SPATA13: variants seen among roughly 807,000 people sequenced by gnomAD.
SPATA13 encodes spermatogenesis associated 13, also known as spermatogenesis-associated protein 13.
A neutral mutation model predicts 104.0 loss-of-function variants in SPATA13; 50 were observed. That is an observed-to-expected ratio of 0.48 (90% confidence interval 0.38 to 0.61). The LOEUF (loss-of-function observed/expected upper bound fraction) is 0.61, where lower values mean the gene tolerates loss of function less well. SPATA13 is among the 20% of genes least tolerant of loss of function. The pLI is 0.00. For synonymous variants in SPATA13, 606 were observed against 667.5 expected (o/e 0.91, Z 1.42); for missense variants, 1,524 against 1,690.6 (o/e 0.90, Z 1.73).
In SPATA13 at chr13:24,249,707, T is replaced by C. The variant is rs1249550732; in HGVS notation, c.1884T>C (p.Ser628=). Residue 628 remains serine (S), a synonymous_variant, in exon 3 of 13, where the codon TCT becomes TCC. Transcript: ENST00000382108. ...AGGACCCCCAGGCAAGCATGACTTC[T>C]GCCAGCCCTGAAGACCAGAATGCTC... ...VDEDPQASMT[S]ASPEDQNAPV... 2 of 1,613,608 alleles carry C rather than the reference T, an allele frequency of 1.2e-6. No individual in the cohort carries two copies. Among genetic ancestry groups the C allele is most frequent in the Non-Finnish European group, 8.5e-7 (1 of 1,179,818 alleles).
intron 3 of SPATA13, among the ~76,000 whole-genome samples, chr13:24,143,825 G>C (rs1881842342): frequency 6.6e-6 from 1 of 152,202 alleles, no homozygotes; most frequent in South Asian, 2.1e-4. Context: ...CTAGGAGAAA[G>C]GACTTACTTG....
At chr13:24,113,818 C>T (rs865842660) in intron 3 of SPATA13, among the ~76,000 whole-genome samples, 100 of 138,610 alleles carry the variant, frequency 7.2e-4, no homozygotes, top group African/African-American at 2.7e-3. Context: ...TACAGTGAGC[C>T]GAGATTGCAC....
chr13:24,093,344 T>C (rs1392823584), intron 3 of SPATA13, among the ~76,000 whole-genome samples: 1 of 152,246 alleles, frequency 6.6e-6, no homozygotes, highest in Admixed American at 6.5e-5. Flanking sequence ...AGTATCCCAC[T>C]GTTCTGTGCC....
At chr13:24,103,969 C>T (rs1181005129) in intron 3 of SPATA13, among the ~76,000 whole-genome samples, 1 of 152,192 alleles carries the variant, frequency 6.6e-6, no homozygotes, top group Non-Finnish European at 1.5e-5. Context: ...AGGAGTGACT[C>T]TAAGTAGGGC....
At chr13:24,186,521 A>G (rs1869161863) in intron 1 of SPATA13, among the ~76,000 whole-genome samples, 1 of 152,224 alleles carries the variant, frequency 6.6e-6, no homozygotes, top group Admixed American at 6.5e-5. Flanking sequence ...TAGGACATCA[A>G]CAATGTTCTA....
chr13:24,071,887 A>G (rs1879174418), intron 3 of SPATA13, among the ~76,000 whole-genome samples: 1 of 152,220 alleles, frequency 6.6e-6, no homozygotes, highest in Admixed American at 6.5e-5. Flanking sequence ...TGTGCACTTT[A>G]AAACAGCTGA....
chr13:24,306,587 G>A lies in SPATA13; in HGVS notation c.*3814G>A, dbSNP rs1343747308. ...ATTGTTTTCAGGATGCAATGAAAGTGGATTTCAAAAGGCTTTGGAAAAATA... is the reference window on the plus strand; with the variant it reads ...ATTGTTTTCAGGATGCAATGAAAGTAGATTTCAAAAGGCTTTGGAAAAATA... On this transcript the variant is annotated 3_prime_UTR_variant, in exon 13 of 13. Transcript: ENST00000382108. 2 of 151,970 alleles carry A rather than the reference G, an allele frequency of 1.3e-5. No homozygotes were observed. The highest frequency in any genetic ancestry group is 4.8e-5 in the African/African-American group (2 of 41,340). 9.4% of individuals were successfully genotyped at this position (151,970 alleles called of 1,614,324 possible). A position where few individuals can be genotyped will look rare whatever the true frequency, so the allele number is the denominator to read the frequency against.
At chr13:24,089,659 C>A (rs770128173) in intron 3 of SPATA13, among the ~76,000 whole-genome samples, 1 of 152,140 alleles carries the variant, frequency 6.6e-6, no homozygotes, top group African/African-American at 2.4e-5. Context: ...GCAGTCCATG[C>A]GATATTTGAA....
At chr13:24,089,735 C>G (rs1879853639) in intron 3 of SPATA13, among the ~76,000 whole-genome samples, 1 of 152,190 alleles carries the variant, frequency 6.6e-6, no homozygotes, top group Admixed American at 6.5e-5. Flanking sequence ...GTGCTTTACC[C>G]ATTTCTGCTG....
chr13:24,152,887 T>G (rs9507262), intron 3 of SPATA13, among the ~76,000 whole-genome samples: 27,930 of 152,200 alleles, frequency 0.18, 2,687 homozygotes, highest in South Asian at 0.27. Flanking sequence ...AGAACTCAAA[T>G]GATGATTATT....
intron 2 of SPATA13, among the ~76,000 whole-genome samples, chr13:24,248,169 G>A (rs1465887593): frequency 2.0e-5 from 3 of 152,240 alleles, no homozygotes; most frequent in African/African-American, 7.2e-5. Flanking sequence ...CAGGCTTTGA[G>A]GGGTCTGCTC....
At chr13:24,280,405 T>C (rs1349284368) in intron 4 of SPATA13, among the ~76,000 whole-genome samples, 1 of 152,154 alleles carries the variant, frequency 6.6e-6, no homozygotes, top group Admixed American at 6.5e-5. Context: ...TGGAAAACAC[T>C]GTTCAGTTCT....
At chr13:24,148,640 CTTGG>C (rs1465744419) in intron 3 of SPATA13, among the ~76,000 whole-genome samples, 1 of 152,276 alleles carries the variant, frequency 6.6e-6, no homozygotes, top group South Asian at 2.1e-4. Flanking sequence ...AGAGGGAGAA[CTTGG>C]TTGAAGAGTT....
Position 24,222,862 on chromosome 13 carries a change from G to A in SPATA13, c.-68G>A. 6.5e-7 allele frequency: 1 copy of A among 1,541,964 alleles called. No individual in the cohort carries two copies. The highest frequency in any genetic ancestry group is 1.2e-5 in the South Asian group (1 of 82,772). ...CCCGATGTGCAAGGCAGGTGTGAGT[G>A]CCAGGACGGCATTCCTGGAGATGAA... On this transcript the variant is annotated 5_prime_UTR_variant, in exon 2 of 13. Coordinates refer to ENST00000382108, the MANE Select transcript of SPATA13 (RefSeq NM_001166271.3).
In SPATA13 at chr13:24,286,507, G is replaced by A; in HGVS notation, c.2481+114G>A. 1 of 1,154,932 alleles carries A rather than the reference G, an allele frequency of 8.7e-7. No individual in the cohort carries two copies. The highest frequency in any genetic ancestry group is 2.8e-5 in the Admixed American group (1 of 35,626). The allele number at this position is 1,154,932 out of a possible 1,614,324, so 71.5% of individuals were successfully genotyped here. A position where few individuals can be genotyped will look rare whatever the true frequency, so the allele number is the denominator to read the frequency against. ...CTCTTTTGTAATTGATATCTGACAT[G>A]CAAGTCACACCTGTAAGAAATTAGG... On this transcript the variant is annotated intron_variant, in intron 6 of 12. Coordinates refer to ENST00000382108, the MANE Select transcript of SPATA13 (RefSeq NM_001166271.3). The surrounding 1 kb of genome is among the most constrained non-coding windows in gnomAD (Gnocchi z 4.9).
intron 3 of SPATA13, among the ~76,000 whole-genome samples, chr13:24,100,271 A>G (rs1420967150): frequency 2.0e-5 from 3 of 152,218 alleles, no homozygotes; most frequent in African/African-American, 7.2e-5. Flanking sequence ...ATATTGCCGC[A>G]CTGCATTGAA....
chr13:24,017,657 T>C, intron 2 of SPATA13: 1 of 985,428 alleles, frequency 1.0e-6, no homozygotes, highest in Non-Finnish European at 1.2e-6. Flanking sequence ...CTCATTTTTT[T>C]CCTTTCCAGA....
At chr13:24,069,702 T>G (rs1879092377) in intron 3 of SPATA13, among the ~76,000 whole-genome samples, 1 of 152,240 alleles carries the variant, frequency 6.6e-6, no homozygotes, top group African/African-American at 2.4e-5. Flanking sequence ...ACATGCATTA[T>G]TTTTGTTTGA....
chr13:24,199,494 T>C (rs1223334753), intron 1 of SPATA13, among the ~76,000 whole-genome samples: 1 of 152,226 alleles, frequency 6.6e-6, no homozygotes, highest in Non-Finnish European at 1.5e-5. Context: ...TTTTTGAAGC[T>C]GAATGTCTCA....
Sources: allele counts gnomAD v4.1 joint callset (sites outside exome capture counted in the v4.1 genomes callset), GRCh38; gene constraint gnomAD v4.1.1; non-coding constraint Gnocchi (gnomAD v3.1); transcripts MANE v1.5; gene names NCBI Gene and HGNC (gene_info 2026-07-23, HGNC 2026-07-21).